DNPEP: variants seen among roughly 807,000 people sequenced by gnomAD.
The protein encoded by DNPEP is aspartyl aminopeptidase.
Under a neutral mutation model 59.1 loss-of-function variants are expected in DNPEP, and 46 were observed. The observed-to-expected ratio is 0.78, with a 90% CI of 0.61 to 0.99. The LOEUF is 0.99. DNPEP is among the 50% of genes least tolerant of loss of function. The pLI, the probability that DNPEP is intolerant of heterozygous loss-of-function variation, is 0.00. For synonymous variants in DNPEP, 229 were observed against 242.2 expected (o/e 0.95, Z 0.50); for missense variants, 617 against 649.9 (o/e 0.95, Z 0.55).
intron 1 of DNPEP, among the ~76,000 whole-genome samples, chr2:219,397,680 G>C (rs536148944): frequency 2.6e-5 from 4 of 152,160 alleles, no homozygotes; most frequent in Non-Finnish European, 2.9e-5. Flanking sequence ...GACAATTATC[G>C]GGGTACAGAT....
At chr2:219,392,343 GTCTTTTTTT>G (rs1487708431), upstream of DNPEP, among the ~76,000 whole-genome samples, 1 of 149,098 alleles carries the variant, frequency 6.7e-6, no homozygotes, top group Non-Finnish European at 1.5e-5. Context: ...AGATACATAT[GTCTTTTTTT>G]TTTTTTTTTA....
intron 8 of DNPEP, 101 bp from the exon 9 acceptor site, chr2:219,384,544 T>TAAGCCAGGGGTCAGGGA: frequency 3.3e-6 from 3 of 921,106 alleles, no homozygotes; most frequent in South Asian, 1.5e-5. Context: ...AACCTCTCCC[T>TAAGCCAGGGGTCAGGGA]GACCCCTGGC....
chr2:219,383,973 C>T (rs1953704808), intron 9 of DNPEP, among the ~76,000 whole-genome samples: 1 of 152,182 alleles, frequency 6.6e-6, no homozygotes, highest in Non-Finnish European at 1.5e-5. Context: ...AGGGAGAAGG[C>T]TGGGGTCTTA....
intron 8 of DNPEP, 113 bp from the exon 9 acceptor site, chr2:219,384,556 T>C: frequency 2.6e-6 from 2 of 771,932 alleles, no homozygotes; most frequent in Non-Finnish European, 4.1e-6. Flanking sequence ...ACCCCTGGCT[T>C]AGGGCACTAT....
chr2:219,387,759 C>G lies in DNPEP; in HGVS notation c.36G>C (p.Gln12His). The G allele has an allele frequency of 6.2e-7, 1 of 1,606,998 alleles. No homozygotes were observed. The highest frequency in any genetic ancestry group is 8.5e-7 in the Non-Finnish European group (1 of 1,177,390). Residue 12 changes from glutamine (Q) to histidine (H), a missense_variant and splice_region_variant, in exon 1 of 15, where the codon CAG becomes CAC. Transcript: ENST00000273075. ...SGHSPTRGAM[Q>H]VAMNGKARKE... ...AGTGGGGCCGTCGGGAGCCACTTAC[C>G]TGCATGGCCCCGCGCGTGGGGCTGT... is the stretch of plus-strand genomic sequence containing the variant.
At chr2:219,388,566 C>G (rs528225005), upstream of DNPEP, 1 of 353,340 alleles carries the variant, frequency 2.8e-6, no homozygotes, top group Non-Finnish European at 4.0e-6. Flanking sequence ...CCTGCACCCC[C>G]GTCACCCACG....
chr2:219,381,466 A>T (rs766136795), intron 12 of DNPEP, 30 bp from the exon 13 acceptor site: 1 of 1,613,978 alleles, frequency 6.2e-7, no homozygotes, highest in South Asian at 1.1e-5. Context: ...GGCAGAGGTA[A>T]TGACAGGCCC....
rs754495443 is a variant in DNPEP, at chr2:219,387,806, G to T, written c.-12C>A. On this transcript the variant is annotated 5_prime_UTR_variant, in exon 1 of 15. Transcript: ENST00000273075. ...CTGTGTCCGCTCATCTGGCCTCCGGGCTCGGCCCGCCCCCACCGCGCCGCC... is the reference window on the plus strand; with the variant it reads ...CTGTGTCCGCTCATCTGGCCTCCGGTCTCGGCCCGCCCCCACCGCGCCGCC... 6.3e-7 allele frequency: 1 copy of T among 1,580,072 alleles called. No individual in the cohort carries two copies. The highest frequency in any genetic ancestry group is 2.4e-5 in the East Asian group (1 of 41,668).
chr2:219,375,595 T>C (rs1465626036), intron 13 of DNPEP, among the ~76,000 whole-genome samples: 2 of 152,190 alleles, frequency 1.3e-5, no homozygotes, highest in Non-Finnish European at 2.9e-5. Context: ...GGAGTCTCCC[T>C]GCGATGCCCA....
intron 9 of DNPEP, 103 bp downstream of exon 9, chr2:219,384,263 G>T: frequency 4.5e-6 from 5 of 1,114,796 alleles, no homozygotes; most frequent in Non-Finnish European, 6.5e-6. Flanking sequence ...GTAGACAATG[G>T]CCCTCTCTCA....
In DNPEP at chr2:219,372,883, T is replaced by G. The variant is rs141015022; in HGVS notation, c.*1409A>C. Among the ~76,000 whole-genome samples, 53 of 152,306 alleles carry G rather than the reference T, an allele frequency of 3.5e-4. No individual in the cohort carries two copies. Among genetic ancestry groups the G allele is most frequent in the African/African-American group, 1.1e-3 (47 of 41,570 alleles). Reference sequence around the variant, plus strand: ...TTCTAACTTTTTGCCATTGCTAAATTAAATTTATATGTATTGATATAGAAA... The same window carrying G: ...TTCTAACTTTTTGCCATTGCTAAATGAAATTTATATGTATTGATATAGAAA... On this transcript the variant is annotated 3_prime_UTR_variant, in exon 15 of 15. Coordinates refer to ENST00000273075, the MANE Select transcript of DNPEP (RefSeq NM_012100.4).
upstream of DNPEP, among the ~76,000 whole-genome samples, chr2:219,391,400 G>A (rs1271974208): frequency 6.6e-6 from 1 of 152,188 alleles, no homozygotes; most frequent in East Asian, 1.9e-4. Context: ...GTTGGGAAGA[G>A]CTGTGCGGAA....
At chr2:219,374,712 T>C in intron 14 of DNPEP, 143 bp downstream of exon 14, 2 of 1,026,704 alleles carry the variant, frequency 1.9e-6, no homozygotes, top group South Asian at 3.3e-5. Flanking sequence ...AGGACCCTTG[T>C]TTTCCTACAT....
chr2:219,380,100 G>A (rs1329898610), intron 13 of DNPEP, among the ~76,000 whole-genome samples: 1 of 151,754 alleles, frequency 6.6e-6, no homozygotes, highest in Non-Finnish European at 1.5e-5. Flanking sequence ...CTCACCCAGG[G>A]CAACTTCGAG....
At chr2:219,385,018 A>C (rs908844413) in intron 8 of DNPEP, 1 of 177,186 alleles carries the variant, frequency 5.6e-6, no homozygotes, top group African/African-American at 2.4e-5. Flanking sequence ...AAAAAACAGA[A>C]ACTTAGTACG....
In DNPEP at chr2:219,383,126, C is replaced by T. The variant is rs375995901; in HGVS notation, c.936+5G>A. 2.2e-5 allele frequency: 35 copies of T among 1,613,666 alleles called. No individual in the cohort carries two copies. The highest frequency in any genetic ancestry group is 1.2e-4 in the African/African-American group (9 of 74,936). On this transcript the variant is annotated splice_donor_5th_base_variant and intron_variant, in intron 10 of 14. Coordinates refer to ENST00000273075, the MANE Select transcript of DNPEP (RefSeq NM_012100.4). ...AGGTGACCCTCCCCAGAACCCTCCA[C>T]GTACCTCTTCGTTGTCATAGAGTGT...
chr2:219,383,343 C>T, intron 9 of DNPEP, 129 bp from the exon 10 acceptor site: 1 of 722,148 alleles, frequency 1.4e-6, no homozygotes, highest in Non-Finnish European at 2.4e-6. Flanking sequence ...CCCTGTCTGC[C>T]TTCCATGGCC....
chr2:219,387,767 C>T lies in DNPEP; in HGVS notation c.28G>A (p.Ala10Thr). 1 of 1,605,858 alleles carries T rather than the reference C, an allele frequency of 6.2e-7. No homozygotes were observed. ...CGTCGGGAGCCACTTACCTGCATGGCCCCGCGCGTGGGGCTGTGTCCGCTC... is the reference window on the plus strand; with the variant it reads ...CGTCGGGAGCCACTTACCTGCATGGTCCCGCGCGTGGGGCTGTGTCCGCTC... MSGHSPTRGAMQVAMNGKAR... is the reference protein window; with the variant it reads MSGHSPTRGTMQVAMNGKAR... Residue 10 changes from alanine to threonine, a missense_variant, in exon 1 of 15, where the codon GCC becomes ACC. Coordinates refer to ENST00000273075, the MANE Select transcript of DNPEP (RefSeq NM_012100.4).
chr2:219,398,427 A>G (rs756445082), intron 1 of DNPEP, among the ~76,000 whole-genome samples: 6 of 152,234 alleles, frequency 3.9e-5, no homozygotes, highest in Non-Finnish European at 8.8e-5. Context: ...AGGCGGGTGG[A>G]TCACCTGAGG....
Sources: allele counts gnomAD v4.1 joint callset (sites outside exome capture counted in the v4.1 genomes callset), GRCh38; gene constraint gnomAD v4.1.1; transcripts MANE v1.5; gene names NCBI Gene and HGNC (gene_info 2026-07-23, HGNC 2026-07-21).